The following VRK2 variants were observed in gnomAD, a reference collection of about 807,000 sequenced individuals.
VRK2 encodes the protein VRK serine/threonine kinase 2.
Under a neutral mutation model 57.6 loss-of-function variants are expected in VRK2, and 60 were observed. The ratio of observed to expected loss-of-function variants is 1.04; its 90% CI spans 0.85 to 1.29. VRK2 has a LOEUF of 1.29. VRK2 is among the 50% of genes most tolerant of loss of function. The pLI is 0.00. For missense variants in VRK2, 705 were observed against 588.1 expected, an observed-to-expected ratio of 1.20 and a Z score of -2.06; for synonymous variants, 231 against 199.2, an observed-to-expected ratio of 1.16 and a Z score of -1.35.
chr2:57,914,057 A>C (rs913927161), intron 1 of VRK2, among the ~76,000 whole-genome samples: 2 of 152,038 alleles, frequency 1.3e-5, no homozygotes, highest in East Asian at 3.8e-4. Flanking sequence ...TCAAACAAAA[A>C]ATTTATTTTA....
chr2:58,100,773 T>C (rs1456452062), intron 7 of VRK2, among the ~76,000 whole-genome samples: 3 of 151,772 alleles, frequency 2.0e-5, no homozygotes, highest in Non-Finnish European at 4.4e-5. Flanking sequence ...TAAACTGTTT[T>C]AAGGTTCTCT....
intron 1 of VRK2, among the ~76,000 whole-genome samples, chr2:58,010,242 CTTAG>C (rs1340710223): frequency 1.3e-5 from 2 of 152,024 alleles, no homozygotes; most frequent in Non-Finnish European, 2.9e-5. Flanking sequence ...TTGTCATTGC[CTTAG>C]TTAGCACATT....
intron 1 of VRK2, among the ~76,000 whole-genome samples, chr2:58,017,686 G>A (rs895078402): frequency 2.6e-5 from 4 of 152,232 alleles, no homozygotes; most frequent in East Asian, 1.9e-4. Flanking sequence ...TTTTATGGGA[G>A]ATCTTTGCTT....
intron 7 of VRK2, among the ~76,000 whole-genome samples, chr2:58,093,484 A>G (rs1192913219): frequency 1.6e-4 from 24 of 152,006 alleles, no homozygotes; most frequent in African/African-American, 2.7e-4. Flanking sequence ...GTCTGTTCAT[A>G]TCCTTTGCCC....
At chr2:58,131,521 TG>T (rs1679187343) in intron 8 of VRK2, among the ~76,000 whole-genome samples, 1 of 152,100 alleles carries the variant, frequency 6.6e-6, no homozygotes, top group Admixed American at 6.5e-5. Flanking sequence ...GTCTGGATCA[TG>T]TCAGAGGCCA....
intron 7 of VRK2, among the ~76,000 whole-genome samples, chr2:58,101,087 G>A (rs1293131859): frequency 2.6e-5 from 4 of 151,564 alleles, no homozygotes; most frequent in Non-Finnish European, 5.9e-5. Context: ...GTGATGGATG[G>A]AAAATATTGA....
chr2:58,118,719 G>A (rs1196470333), intron 7 of VRK2, among the ~76,000 whole-genome samples: 3 of 152,210 alleles, frequency 2.0e-5, no homozygotes, highest in Non-Finnish European at 4.4e-5. Context: ...TCCGTGTGAA[G>A]AGACTACCAA....
intron 12 of VRK2, among the ~76,000 whole-genome samples, chr2:58,151,807 C>CTATGGGCCAAATTCAT (rs1683124404): frequency 7.8e-6 from 1 of 127,456 alleles, no homozygotes. Flanking sequence ...AGCTCCATAG[C>CTATGGGCCAAATTCAT]CTATGGGCCA....
intron 1 of VRK2, among the ~76,000 whole-genome samples, chr2:57,981,321 T>A (rs1435019326): frequency 6.6e-6 from 1 of 152,198 alleles, no homozygotes; most frequent in East Asian, 1.9e-4. Context: ...GACATGTAAT[T>A]CCTGGGTGGA....
chr2:57,929,101 C>T (rs985834269), intron 1 of VRK2, among the ~76,000 whole-genome samples: 3 of 152,190 alleles, frequency 2.0e-5, no homozygotes, highest in Admixed American at 1.3e-4. Flanking sequence ...CTACAATCCG[C>T]AGGTAGCAAA....
intron 2 of VRK2, among the ~76,000 whole-genome samples, chr2:58,069,708 G>C (rs764587856): frequency 2.0e-5 from 3 of 152,124 alleles, no homozygotes. Context: ...TTTGGGTGCT[G>C]GGATGGGAAA....
At chr2:58,091,122 T>C (rs145942310) in intron 7 of VRK2, among the ~76,000 whole-genome samples, 1 of 152,166 alleles carries the variant, frequency 6.6e-6, no homozygotes, top group South Asian at 2.1e-4. Flanking sequence ...TTCTGCATGA[T>C]ACCATAATGG....
At chr2:58,009,312 T>TA (rs1386383382) in intron 1 of VRK2, among the ~76,000 whole-genome samples, 4 of 151,376 alleles carry the variant, frequency 2.6e-5, no homozygotes, top group African/African-American at 4.9e-5. Flanking sequence ...ATATGTAGAG[T>TA]AAAAAAAATA....
chr2:58,152,215 A>G (rs1264636652), intron 12 of VRK2, among the ~76,000 whole-genome samples: 2 of 151,844 alleles, frequency 1.3e-5, no homozygotes, highest in Admixed American at 6.6e-5. Flanking sequence ...TTTGGTGTCT[A>G]TTTTATAGTA....
At chr2:57,957,451 T>C (rs1189194962) in intron 1 of VRK2, among the ~76,000 whole-genome samples, 1 of 151,980 alleles carries the variant, frequency 6.6e-6, no homozygotes, top group Non-Finnish European at 1.5e-5. Flanking sequence ...CTAGATTGGA[T>C]AAGGCTACGA....
chr2:58,088,703 T>A (rs568884066), intron 6 of VRK2, among the ~76,000 whole-genome samples: 1 of 152,320 alleles, frequency 6.6e-6, no homozygotes, highest in African/African-American at 2.4e-5. Flanking sequence ...GAGCTTTGTT[T>A]TACATACCAG....
At chr2:58,119,827 G>C (rs1307184139) in intron 7 of VRK2, among the ~76,000 whole-genome samples, 1 of 151,582 alleles carries the variant, frequency 6.6e-6, no homozygotes, top group Non-Finnish European at 1.5e-5. Flanking sequence ...TAAGCTAGTG[G>C]ATAAAAGTCC....
intron 7 of VRK2, among the ~76,000 whole-genome samples, chr2:58,114,525 T>G (rs1442509823): frequency 6.6e-6 from 1 of 151,698 alleles, no homozygotes; most frequent in Non-Finnish European, 1.5e-5. Flanking sequence ...GGGCTGTACC[T>G]TGTAGCATTC....
chr2:58,087,134 A>T (rs1220211769), intron 5 of VRK2, among the ~76,000 whole-genome samples: 1 of 152,140 alleles, frequency 6.6e-6, no homozygotes, highest in Non-Finnish European at 1.5e-5. Flanking sequence ...TTTTATATTT[A>T]CCCTTTTGTG....
Sources: allele counts gnomAD v4.1 joint callset (sites outside exome capture counted in the v4.1 genomes callset), GRCh38; gene constraint gnomAD v4.1.1; transcripts MANE v1.5; gene names NCBI Gene and HGNC (gene_info 2026-07-23, HGNC 2026-07-21).